TRPM3: variants seen among roughly 807,000 people sequenced by gnomAD.
TRPM3 encodes the protein transient receptor potential cation channel subfamily M member 3, also known as long transient receptor potential channel 3.
Under a neutral mutation model 181.2 loss-of-function variants are expected in TRPM3, and 77 were observed. The observed-to-expected ratio is 0.42, with a 90% CI of 0.35 to 0.51. The LOEUF (loss-of-function observed/expected upper bound fraction) is 0.51. TRPM3 is among the 20% of genes least tolerant of loss of function. The pLI, the probability that TRPM3 is intolerant of heterozygous loss-of-function variation, is 0.01. For synonymous variants in TRPM3, 745 were observed against 796.4 expected, an observed-to-expected ratio of 0.94 and a Z score of 1.09; for missense variants, 1,759 against 2,196.7, an observed-to-expected ratio of 0.80 and a Z score of 3.98.
At chr9:71,029,454 C>A (rs538258620) in intron 1 of TRPM3, among the ~76,000 whole-genome samples, 70 of 152,232 alleles carry the variant, frequency 4.6e-4, no homozygotes, top group African/African-American at 1.4e-3. Context: ...GTAAAGGCTA[C>A]ATCTTGAAAG....
At chr9:71,303,188 G>A (rs1471660990) in intron 1 of TRPM3, among the ~76,000 whole-genome samples, 2 of 152,114 alleles carry the variant, frequency 1.3e-5, no homozygotes, top group Admixed American at 6.6e-5. Context: ...ACAGGGAGAT[G>A]GGACAAAATA....
At chr9:70,557,925 A>G (rs2048131532) in intron 22 of TRPM3, among the ~76,000 whole-genome samples, 1 of 152,106 alleles carries the variant, frequency 6.6e-6, no homozygotes, top group South Asian at 2.1e-4. Flanking sequence ...TCCCCATCCT[A>G]GTTTCCTTTT....
At chr9:70,950,552 A>C (rs1307101095) in intron 1 of TRPM3, among the ~76,000 whole-genome samples, 1 of 152,218 alleles carries the variant, frequency 6.6e-6, no homozygotes, top group Non-Finnish European at 1.5e-5. Flanking sequence ...ATCTTTTGGG[A>C]AAATGCAGCC....
intron 1 of TRPM3, among the ~76,000 whole-genome samples, chr9:70,937,576 C>T (rs923806766): frequency 2.0e-5 from 3 of 152,116 alleles, no homozygotes; most frequent in African/African-American, 7.2e-5. Flanking sequence ...TTTAAATTGG[C>T]TGCCATTCGT....
chr9:71,031,795 T>C (rs950299296), intron 1 of TRPM3, among the ~76,000 whole-genome samples: 1 of 149,740 alleles, frequency 6.7e-6, no homozygotes, highest in African/African-American at 2.5e-5. Flanking sequence ...AGAATATATT[T>C]CATGAATCAT....
intron 9 of TRPM3, among the ~76,000 whole-genome samples, chr9:70,675,396 C>T (rs1165600048): frequency 6.6e-6 from 1 of 152,088 alleles, no homozygotes; most frequent in Non-Finnish European, 1.5e-5. Context: ...GTGCCAGGCC[C>T]ATGTTATTTT....
chr9:71,244,831 G>T (rs1055570166), intron 1 of TRPM3, among the ~76,000 whole-genome samples: 8 of 152,170 alleles, frequency 5.3e-5, no homozygotes, highest in African/African-American at 1.4e-4. Flanking sequence ...AGCAGGATAA[G>T]TGAAGGATTT....
rs553557731 is a variant in TRPM3 at position 71,299,884 on chromosome 9, T to C, written c.183+146769A>G. Among the ~76,000 whole-genome samples, 162 of 152,138 alleles carry C rather than the reference T, an allele frequency of 1.1e-3. 2 individuals carry two copies. The highest frequency in any genetic ancestry group is 2.0e-3 in the Non-Finnish European group (139 of 67,972). On this transcript the variant is annotated intron_variant, in intron 1 of 24. Transcript: ENST00000357533. ...CTAAGCTTAAATAGATATATTATAA[T>C]GTAAGGGAGAGAGAAAATGGGATGA...
chr9:71,079,908 C>T (rs189239395), intron 1 of TRPM3, among the ~76,000 whole-genome samples: 41 of 152,272 alleles, frequency 2.7e-4, no homozygotes, highest in Admixed American at 1.2e-3. Flanking sequence ...TGGTGGCACA[C>T]GCCTGTAATC....
At chr9:71,401,790 A>G (rs2093345375) in intron 1 of TRPM3, among the ~76,000 whole-genome samples, 3 of 152,110 alleles carry the variant, frequency 2.0e-5, no homozygotes, top group Admixed American at 1.3e-4. Flanking sequence ...TTCAAAGGAC[A>G]TCAGCCTCAG....
intron 1 of TRPM3, among the ~76,000 whole-genome samples, chr9:71,189,101 A>G (rs1201318883): frequency 2.6e-5 from 4 of 151,842 alleles, no homozygotes; most frequent in African/African-American, 9.7e-5. Flanking sequence ...ACATGAGTCA[A>G]TCAGGAATTG....
intron 1 of TRPM3, among the ~76,000 whole-genome samples, chr9:71,068,415 C>A (rs2062229698): frequency 6.6e-6 from 1 of 152,158 alleles, no homozygotes; most frequent in Admixed American, 6.5e-5. Context: ...AGCCAGGGTG[C>A]CAAATGCCCT....
chr9:71,149,080 A>G (rs1325101179), intron 1 of TRPM3, among the ~76,000 whole-genome samples: 2 of 152,128 alleles, frequency 1.3e-5, no homozygotes, highest in Non-Finnish European at 2.9e-5. Context: ...TGTAAAGAGA[A>G]GGATGGCGGG....
At chr9:70,691,437 G>A (rs1299691141) in intron 8 of TRPM3, among the ~76,000 whole-genome samples, 1 of 152,122 alleles carries the variant, frequency 6.6e-6, no homozygotes, top group African/African-American at 2.4e-5. Flanking sequence ...GTCTGATTTA[G>A]GTTACTTTAA....
At chr9:71,416,278 A>G (rs2093636221) in intron 1 of TRPM3, among the ~76,000 whole-genome samples, 1 of 151,918 alleles carries the variant, frequency 6.6e-6, no homozygotes, top group African/African-American at 2.4e-5. Flanking sequence ...CAAATTTTAT[A>G]AAATATACAA....
chr9:70,546,772 A>T (rs2045055376), intron 25 of TRPM3, among the ~76,000 whole-genome samples: 1 of 152,134 alleles, frequency 6.6e-6, no homozygotes, highest in Non-Finnish European at 1.5e-5. Context: ...TATTGTCCCA[A>T]ATAAAGCAGA....
intron 1 of TRPM3, among the ~76,000 whole-genome samples, chr9:71,084,934 T>C (rs1387316178): frequency 1.3e-5 from 2 of 151,980 alleles, no homozygotes; most frequent in African/African-American, 2.4e-5. Context: ...AACAGATATG[T>C]AGACCCATGT....
intron 9 of TRPM3, among the ~76,000 whole-genome samples, chr9:70,677,208 C>T (rs2064215210): frequency 6.6e-6 from 1 of 152,142 alleles, no homozygotes; most frequent in Non-Finnish European, 1.5e-5. Context: ...CAGGAGTTAC[C>T]ACCCCTTTCC....
At chr9:71,293,902 A>T (rs2086038815) in intron 1 of TRPM3, among the ~76,000 whole-genome samples, 1 of 152,080 alleles carries the variant, frequency 6.6e-6, no homozygotes, top group African/African-American at 2.4e-5. Context: ...TCCATATAAG[A>T]TAGAGGTGGT....
Sources: gnomAD v4.1 joint callset for allele counts (sites outside exome capture counted in the v4.1 genomes callset) on GRCh38, gnomAD v4.1.1 for gene constraint, MANE v1.5 for transcripts, NCBI Gene and HGNC (gene_info 2026-07-23, HGNC 2026-07-21) for gene names.